The following BMPER variants were observed in gnomAD, a reference collection of about 807,000 sequenced individuals.
The protein encoded by BMPER is BMP-binding endothelial regulator protein.
A neutral mutation model predicts 87.3 loss-of-function variants in BMPER; 45 were observed. The ratio of observed to expected loss-of-function variants is 0.52; its 90% CI spans 0.41 to 0.66. The LOEUF (loss-of-function observed/expected upper bound fraction) is 0.66, where lower values mean the gene tolerates loss of function less well. Among genes scored for constraint, BMPER ranks in the 30% least tolerant of loss-of-function variants. The pLI is 0.00. For missense variants in BMPER, 784 were observed against 867.5 expected (o/e 0.90, Z 1.21); for synonymous variants, 326 against 316.2 (o/e 1.03, Z -0.33).
chr7:34,063,379 ATGTGTGTGTGTGTGTG>A (rs10537332), intron 11 of BMPER, among the ~76,000 whole-genome samples: 1 of 148,956 alleles, frequency 6.7e-6, no homozygotes. Context: ...GGGTCACTAT[ATGTGTGTGTGTGTGTG>A]TGTGTGTGTG....
intron 2 of BMPER, among the ~76,000 whole-genome samples, chr7:33,920,215 G>A (rs149092743): frequency 2.3e-3 from 348 of 152,118 alleles, no homozygotes; most frequent in African/African-American, 7.9e-3. Flanking sequence ...ACAGTTGTAG[G>A]TCGTTAACAA....
intron 2 of BMPER, among the ~76,000 whole-genome samples, chr7:33,918,834 G>A (rs1207198405): frequency 6.7e-6 from 1 of 149,596 alleles, no homozygotes; most frequent in Non-Finnish European, 1.5e-5. Context: ...GCACATAGAT[G>A]AGTACCAGGA....
chr7:34,129,620 G>GA (rs1790512178), intron 13 of BMPER, among the ~76,000 whole-genome samples: 1 of 123,558 alleles, frequency 8.1e-6, no homozygotes, highest in African/African-American at 3.2e-5. Flanking sequence ...AAGAGAGAGA[G>GA]AGAGAAAGAG....
intron 6 of BMPER, among the ~76,000 whole-genome samples, chr7:33,975,912 A>T (rs180720041): frequency 6.6e-6 from 1 of 152,238 alleles, no homozygotes; most frequent in Admixed American, 6.5e-5. Context: ...ACGAAATGTG[A>T]TGGCTTTTGT....
At chr7:34,092,610 A>C (rs1411225139) in intron 13 of BMPER, among the ~76,000 whole-genome samples, 1 of 152,096 alleles carries the variant, frequency 6.6e-6, no homozygotes, top group Non-Finnish European at 1.5e-5. Flanking sequence ...CTTTATGGTG[A>C]TTTCCCTTCA....
At chr7:34,008,498 T>G (rs2127939473) in intron 6 of BMPER, among the ~76,000 whole-genome samples, 1 of 152,154 alleles carries the variant, frequency 6.6e-6, no homozygotes, top group South Asian at 2.1e-4. Flanking sequence ...GGTTTTACAT[T>G]AATAATATGT....
At chr7:33,905,858 C>T in intron 1 of BMPER, 112 bp downstream of exon 1, 2 of 1,388,198 alleles carry the variant, frequency 1.4e-6, no homozygotes, top group South Asian at 1.3e-5. Flanking sequence ...CACCTTGGCG[C>T]TTGCCCTGCG....
chr7:34,123,502 G>A (rs1345293600), intron 13 of BMPER, among the ~76,000 whole-genome samples: 1 of 152,172 alleles, frequency 6.6e-6, no homozygotes, highest in Non-Finnish European at 1.5e-5. Context: ...AATCTTCTAA[G>A]CTGTGGCCTG....
intron 13 of BMPER, among the ~76,000 whole-genome samples, chr7:34,106,892 C>T (rs139959507): frequency 6.6e-6 from 1 of 152,280 alleles, no homozygotes; most frequent in Non-Finnish European, 1.5e-5. Context: ...TTTACCTTTC[C>T]AAATCCTACC....
At chr7:33,984,503 A>G (rs2127919736) in intron 6 of BMPER, among the ~76,000 whole-genome samples, 1 of 152,120 alleles carries the variant, frequency 6.6e-6, no homozygotes, top group Middle Eastern at 3.4e-3. Context: ...TTATCTCTCC[A>G]TTGCAGTGAT....
chr7:34,135,679 G>C (rs1198250578), intron 13 of BMPER, among the ~76,000 whole-genome samples: 1 of 152,106 alleles, frequency 6.6e-6, no homozygotes, highest in Non-Finnish European at 1.5e-5. Context: ...CCTTAGCCTA[G>C]AATTTCCTTT....
intron 13 of BMPER, among the ~76,000 whole-genome samples, chr7:34,137,858 G>T (rs999185822): frequency 1.3e-5 from 2 of 152,184 alleles, no homozygotes; most frequent in Non-Finnish European, 2.9e-5. Flanking sequence ...TGAATTTGAT[G>T]CCAAGAACTT....
At chr7:34,023,812 G>C (rs1469216830) in intron 6 of BMPER, among the ~76,000 whole-genome samples, 1 of 152,002 alleles carries the variant, frequency 6.6e-6, no homozygotes, top group African/African-American at 2.4e-5. Flanking sequence ...CTTGGGTTTA[G>C]TTAGTGTTTT....
At chr7:33,932,324 G>A (rs1784502132) in intron 2 of BMPER, among the ~76,000 whole-genome samples, 2 of 152,236 alleles carry the variant, frequency 1.3e-5, no homozygotes, top group African/African-American at 4.8e-5. Flanking sequence ...TACCTGGCCT[G>A]TGTGCTTCAT....
At chr7:33,924,156 G>A (rs1170939068) in intron 2 of BMPER, among the ~76,000 whole-genome samples, 1 of 152,052 alleles carries the variant, frequency 6.6e-6, no homozygotes, top group Non-Finnish European at 1.5e-5. Flanking sequence ...ATTTTTTCAG[G>A]CCATCCATCA....
rs1164186124 is a variant in BMPER at position 34,153,564 on chromosome 7, G to A, written c.*291G>A. 2 of 343,070 alleles carry A rather than the reference G, an allele frequency of 5.8e-6. No individual in the cohort carries two copies. Among genetic ancestry groups the A allele is most frequent in the Non-Finnish European group, 1.1e-5 (2 of 182,832 alleles). 21.3% of individuals were successfully genotyped at this position (343,070 alleles called of 1,614,324 possible). ...ACACCAGGTGTTTTTAATTTAATAAGGTGGCATGCAGATACATTGGATAGT... is the reference window on the plus strand; with the variant it reads ...ACACCAGGTGTTTTTAATTTAATAAAGTGGCATGCAGATACATTGGATAGT... On this transcript the variant is annotated 3_prime_UTR_variant, in exon 15 of 15. Coordinates refer to ENST00000649409, the MANE Select transcript of BMPER (RefSeq NM_001365308.1).
chr7:34,130,318 T>C (rs980962614), intron 13 of BMPER, among the ~76,000 whole-genome samples: 3 of 152,144 alleles, frequency 2.0e-5, no homozygotes, highest in African/African-American at 7.2e-5. Flanking sequence ...CCACCTGCAA[T>C]ACACTTCAGG....
chr7:34,116,960 A>G (rs899608553), intron 13 of BMPER, among the ~76,000 whole-genome samples: 8 of 152,032 alleles, frequency 5.3e-5, no homozygotes, highest in Admixed American at 2.0e-4. Context: ...CTGCAACTCC[A>G]GCCTGGGTGA....
intron 4 of BMPER, 86 bp downstream of exon 4, chr7:33,966,647 C>T (rs1040742002): frequency 1.8e-5 from 23 of 1,276,970 alleles, no homozygotes; most frequent in Non-Finnish European, 2.6e-5. Context: ...AGAACAAAAC[C>T]CTAAAAAGGC....
Sources: allele counts gnomAD v4.1 joint callset (sites outside exome capture counted in the v4.1 genomes callset), GRCh38; gene constraint gnomAD v4.1.1; transcripts MANE v1.5; gene names NCBI Gene and HGNC (gene_info 2026-07-23, HGNC 2026-07-21).